Variants in RAB3C observed in about 807,000 individuals in gnomAD.
RAB3C encodes RAB3C, member RAS oncogene family.
Under a neutral mutation model 26.4 loss-of-function variants are expected in RAB3C, and 17 were observed. That is an observed-to-expected ratio of 0.64 (90% CI 0.44 to 0.97). The LOEUF (loss-of-function observed/expected upper bound fraction) is 0.97, where lower values mean the gene tolerates loss of function less well. Ranked by LOEUF, RAB3C falls within the 50% of genes least tolerant of loss-of-function variation. RAB3C has a pLI of 0.00. For missense variants in RAB3C, 242 were observed against 281.9 expected (o/e 0.86, Z 1.01); for synonymous variants, 91 against 95.9 (o/e 0.95, Z 0.30).
At chr5:58,692,892 G>A (rs1748600011) in intron 2 of RAB3C, among the ~76,000 whole-genome samples, 1 of 152,144 alleles carries the variant, frequency 6.6e-6, no homozygotes, top group Non-Finnish European at 1.5e-5. Context: ...TGGATCACCT[G>A]AGGTTGGGAG....
intron 1 of RAB3C, among the ~76,000 whole-genome samples, chr5:58,605,432 A>G (rs1470826464): frequency 2.0e-5 from 3 of 152,120 alleles, no homozygotes; most frequent in Non-Finnish European, 2.9e-5. Context: ...CCATCTTCAC[A>G]CTAGAAAAAA....
chr5:58,771,676 A>G (rs1275119826), intron 3 of RAB3C, among the ~76,000 whole-genome samples: 1 of 152,154 alleles, frequency 6.6e-6, no homozygotes, highest in Non-Finnish European at 1.5e-5. Context: ...CAAGTTTTAA[A>G]GTAGCAGAAA....
At chr5:58,826,175 C>G (rs16888664) in intron 4 of RAB3C, among the ~76,000 whole-genome samples, 19 of 151,788 alleles carry the variant, frequency 1.3e-4, no homozygotes, top group African/African-American at 4.6e-4. Flanking sequence ...AGAGGGCCCC[C>G]GGGGAGATCA....
At chr5:58,615,695 G>C (rs747469710) in intron 1 of RAB3C, among the ~76,000 whole-genome samples, 1 of 152,060 alleles carries the variant, frequency 6.6e-6, no homozygotes, top group South Asian at 2.1e-4. Flanking sequence ...ACTGGGAAGC[G>C]TTTGTTATAG....
chr5:58,805,151 C>A (rs1052993733), intron 3 of RAB3C, among the ~76,000 whole-genome samples: 1 of 151,984 alleles, frequency 6.6e-6, no homozygotes, highest in African/African-American at 2.4e-5. Context: ...CTGTTAAATA[C>A]TTGAGAGACT....
At chr5:58,723,328 C>T (rs571699811) in intron 2 of RAB3C, among the ~76,000 whole-genome samples, 1 of 151,834 alleles carries the variant, frequency 6.6e-6, no homozygotes, top group East Asian at 1.9e-4. Context: ...ACTTTCTTTT[C>T]TGTAAAATTA....
intron 2 of RAB3C, among the ~76,000 whole-genome samples, chr5:58,720,238 A>G (rs1009916560): frequency 6.6e-6 from 1 of 151,950 alleles, no homozygotes; most frequent in African/African-American, 2.4e-5. Context: ...TTGTAGATAT[A>G]TAGAGAATAT....
At chr5:58,599,789 C>T (rs759515391) in intron 1 of RAB3C, among the ~76,000 whole-genome samples, 4 of 151,852 alleles carry the variant, frequency 2.6e-5, no homozygotes, top group Non-Finnish European at 5.9e-5. Flanking sequence ...TTTTCTCCCA[C>T]TCTGTGGATT....
intron 2 of RAB3C, among the ~76,000 whole-genome samples, chr5:58,705,541 G>A (rs1421267734): frequency 6.6e-6 from 1 of 152,128 alleles, no homozygotes; most frequent in African/African-American, 2.4e-5. Flanking sequence ...CTTGAATTCA[G>A]AATCCAAGAT....
At chr5:58,811,983 G>A (rs955976683) in intron 3 of RAB3C, among the ~76,000 whole-genome samples, 3 of 152,068 alleles carry the variant, frequency 2.0e-5, no homozygotes, top group East Asian at 1.9e-4. Flanking sequence ...GCTCACTTAT[G>A]AATATTTAAA....
At chr5:58,847,561 G>A (rs1467936414) in intron 4 of RAB3C, among the ~76,000 whole-genome samples, 1 of 152,146 alleles carries the variant, frequency 6.6e-6, no homozygotes, top group Non-Finnish European at 1.5e-5. Context: ...AGGCTGTAGT[G>A]GTTGCATTAG....
chr5:58,757,940 T>TTTTG (rs780661508), intron 3 of RAB3C, among the ~76,000 whole-genome samples: 4 of 152,134 alleles, frequency 2.6e-5, no homozygotes, highest in Non-Finnish European at 4.4e-5. Flanking sequence ...TGTTGTTTTG[T>TTTTG]TTTGTTTTGT....
At chr5:58,680,974 T>C (rs1162206202) in intron 2 of RAB3C, among the ~76,000 whole-genome samples, 1 of 152,208 alleles carries the variant, frequency 6.6e-6, no homozygotes, top group East Asian at 1.9e-4. Context: ...AGCAAGTACA[T>C]AAATCTTAAT....
In RAB3C at chr5:58,661,099, G is replaced by C. The variant is rs928038126; in HGVS notation, c.252+43229G>C. Among the ~76,000 whole-genome samples the C allele has an allele frequency of 4.7e-5, 7 of 150,000 alleles. 1 individual carries two copies. Among genetic ancestry groups the C allele is most frequent in the African/African-American group, 1.5e-4 (6 of 39,430 alleles). On this transcript the variant is annotated intron_variant, in intron 2 of 4. Transcript: ENST00000282878. The stretch of plus-strand genomic sequence containing the variant: ...TCTCTTATTTTAAGGTCCTATTAAA[G>C]TATTAATTGTGGGTATTTCATTTCT...
intron 2 of RAB3C, among the ~76,000 whole-genome samples, chr5:58,720,814 T>C (rs1445509812): frequency 2.0e-5 from 3 of 151,870 alleles, no homozygotes; most frequent in East Asian, 3.9e-4. Context: ...CGTGGTTATA[T>C]TATTTGAGTT....
At chr5:58,821,038 C>G (rs1408557274) in intron 3 of RAB3C, among the ~76,000 whole-genome samples, 1 of 152,174 alleles carries the variant, frequency 6.6e-6, no homozygotes, top group Non-Finnish European at 1.5e-5. Context: ...CAAAAGGACA[C>G]CCTGACTTGG....
intron 3 of RAB3C, among the ~76,000 whole-genome samples, chr5:58,807,443 A>G (rs1200699696): frequency 1.3e-5 from 2 of 152,206 alleles, no homozygotes; most frequent in African/African-American, 4.8e-5. Flanking sequence ...TAGTCATCTC[A>G]GGCTGCTGTA....
At chr5:58,625,942 T>G (rs1213503043) in intron 2 of RAB3C, among the ~76,000 whole-genome samples, 1 of 152,094 alleles carries the variant, frequency 6.6e-6, no homozygotes, top group Non-Finnish European at 1.5e-5. Context: ...TAAGTAAAGC[T>G]TCACATTATG....
intron 3 of RAB3C, among the ~76,000 whole-genome samples, chr5:58,728,977 A>G (rs181073875): frequency 9.3e-4 from 142 of 152,000 alleles, no homozygotes; most frequent in African/African-American, 3.3e-3. Context: ...TAAAAAGTCT[A>G]TTTACTTTTC....
Sources: allele counts gnomAD v4.1 joint callset (sites outside exome capture counted in the v4.1 genomes callset), GRCh38; gene constraint gnomAD v4.1.1; transcripts MANE v1.5; gene names NCBI Gene and HGNC (gene_info 2026-07-23, HGNC 2026-07-21).